Variants in RPS6KC1 observed in about 807,000 individuals in gnomAD.
RPS6KC1 encodes ribosomal protein S6 kinase C1.
RPS6KC1 carries 54 observed loss-of-function variants against 103.8 expected under a neutral mutation model. The ratio of observed to expected loss-of-function variants is 0.52; its 90% CI spans 0.42 to 0.65. The LOEUF is 0.65. RPS6KC1 is among the 30% of genes least tolerant of loss of function. The pLI, the probability that RPS6KC1 is intolerant of heterozygous loss-of-function variation, is 0.00. For missense variants in RPS6KC1, 1,151 were observed against 1,253.8 expected (o/e 0.92, Z 1.24); for synonymous variants, 439 against 438.7 (o/e 1.00, Z -0.01).
chr1:213,280,638 G>A, the RPS6KC1 span, among the ~76,000 whole-genome samples: 1 of 152,212 alleles, frequency 6.6e-6, no homozygotes, highest in Admixed American at 6.5e-5. Context: ...CTTCATAGTA[G>A]TAAAGTGAAA....
the RPS6KC1 span, among the ~76,000 whole-genome samples, chr1:213,737,990 G>A: frequency 6.6e-6 from 1 of 152,292 alleles, no homozygotes; most frequent in East Asian, 1.9e-4. Context: ...AAATAGGGTA[G>A]TGAATATAAT....
At chr1:213,341,248 G>A in the RPS6KC1 span, among the ~76,000 whole-genome samples, 1 of 152,156 alleles carries the variant, frequency 6.6e-6, no homozygotes, top group Non-Finnish European at 1.5e-5. Context: ...ATTAAGAACA[G>A]CTTTTATAAA....
the RPS6KC1 span, among the ~76,000 whole-genome samples, chr1:213,384,090 C>A: frequency 1.3e-5 from 2 of 152,044 alleles, no homozygotes; most frequent in African/African-American, 4.8e-5. Flanking sequence ...TCCTGGCTAA[C>A]ACGGTGAAAC....
chr1:213,077,644 A>G (rs1324374239), intron 2 of RPS6KC1, 52 bp from the exon 3 acceptor site: 2 of 1,159,810 alleles, frequency 1.7e-6, no homozygotes, highest in South Asian at 1.9e-5. Flanking sequence ...TGTTGTTCAG[A>G]TATCTGAACC....
At chr1:213,366,552 G>A in the RPS6KC1 span, among the ~76,000 whole-genome samples, 92 of 152,290 alleles carry the variant, frequency 6.0e-4, no homozygotes, top group African/African-American at 1.9e-3. Flanking sequence ...TTCAACTCTC[G>A]TTGTAGCACA....
the RPS6KC1 span, among the ~76,000 whole-genome samples, chr1:213,776,692 A>C: frequency 6.6e-6 from 1 of 152,218 alleles, no homozygotes; most frequent in African/African-American, 2.4e-5. Flanking sequence ...TTAGCTCCTA[A>C]CAAGAGAATC....
chr1:213,644,665 A>C, the RPS6KC1 span, among the ~76,000 whole-genome samples: 3 of 152,064 alleles, frequency 2.0e-5, no homozygotes, highest in Non-Finnish European at 2.9e-5. Flanking sequence ...AGTAATATGC[A>C]TTGAAGTTTC....
the RPS6KC1 span, among the ~76,000 whole-genome samples, chr1:213,317,923 C>G: frequency 1.4e-3 from 206 of 152,318 alleles, no homozygotes; most frequent in African/African-American, 4.8e-3. Context: ...CACCTGCATC[C>G]CCTGAGCAGG....
the RPS6KC1 span, among the ~76,000 whole-genome samples, chr1:213,629,317 G>T: frequency 4.6e-5 from 7 of 152,006 alleles, no homozygotes; most frequent in East Asian, 9.7e-4. Flanking sequence ...TTGTTGAATT[G>T]ATCCCTTTAC....
At chr1:213,449,144 C>G in the RPS6KC1 span, among the ~76,000 whole-genome samples, 1 of 152,120 alleles carries the variant, frequency 6.6e-6, no homozygotes, top group Non-Finnish European at 1.5e-5. Flanking sequence ...GAAATGGAGG[C>G]CTTTGCCTCT....
chr1:213,166,375 T>C (rs2090966109), intron 6 of RPS6KC1, among the ~76,000 whole-genome samples: 1 of 152,140 alleles, frequency 6.6e-6, no homozygotes, highest in African/African-American at 2.4e-5. Context: ...AAATAGCAAA[T>C]AGATAGCTTT....
chr1:213,104,570 G>A lies in RPS6KC1; in HGVS notation c.378+1G>A. 1.3e-6 allele frequency: 2 copies of A among 1,499,006 alleles called. No individual in the cohort carries two copies. Among genetic ancestry groups the A allele is most frequent in the Non-Finnish European group, 1.8e-6 (2 of 1,087,110 alleles). The allele number at this position is 1,499,006 out of a possible 1,614,324, so 92.9% of individuals were successfully genotyped here. On this transcript the variant is annotated splice_donor_variant, in intron 4 of 14. Transcript: ENST00000366960. LOFTEE classifies it high-confidence loss of function. ...TAAACAGCTTGAAGACTTTTTCAAG[G>A]TTTGGTAGTCTTTCTGGAATATTTT...
chr1:213,770,026 GGGA>G, the RPS6KC1 span, among the ~76,000 whole-genome samples: 1 of 152,136 alleles, frequency 6.6e-6, no homozygotes, highest in Non-Finnish European at 1.5e-5. Context: ...CTACCAAGTG[GGGA>G]GGAGGTCACC....
At chr1:213,111,264 T>C (rs1047528916) in intron 4 of RPS6KC1, among the ~76,000 whole-genome samples, 5 of 152,146 alleles carry the variant, frequency 3.3e-5, no homozygotes, top group Non-Finnish European at 5.9e-5. Flanking sequence ...CTCACTTAAC[T>C]ATACCAGAAG....
the RPS6KC1 span, among the ~76,000 whole-genome samples, chr1:213,446,309 C>T: frequency 6.6e-6 from 1 of 152,188 alleles, no homozygotes; most frequent in Non-Finnish European, 1.5e-5. Context: ...TTTAATTCCT[C>T]CTGGAGTTAT....
the RPS6KC1 span, among the ~76,000 whole-genome samples, chr1:213,331,785 A>G: frequency 0.029 from 4,471 of 152,068 alleles, 225 homozygotes; most frequent in African/African-American, 0.1. Flanking sequence ...GGCCTACGTC[A>G]CCCTGCAATT....
the RPS6KC1 span, among the ~76,000 whole-genome samples, chr1:213,839,307 T>A: frequency 6.6e-6 from 1 of 152,184 alleles, no homozygotes; most frequent in Non-Finnish European, 1.5e-5. Flanking sequence ...GTTTCATAAG[T>A]GCATCTCTCT....
At chr1:213,184,145 A>G (rs555117134) in intron 8 of RPS6KC1, among the ~76,000 whole-genome samples, 16 of 152,294 alleles carry the variant, frequency 1.1e-4, no homozygotes, top group Admixed American at 9.8e-4. Flanking sequence ...AGGCTCAAAT[A>G]GTTTCACCAG....
At chr1:213,417,428 A>G in the RPS6KC1 span, among the ~76,000 whole-genome samples, 1 of 152,200 alleles carries the variant, frequency 6.6e-6, no homozygotes, top group South Asian at 2.1e-4. Context: ...ACAATAACCG[A>G]GATAAACATA....
Sources: allele counts gnomAD v4.1 joint callset (sites outside exome capture counted in the v4.1 genomes callset), GRCh38; gene constraint gnomAD v4.1.1; transcripts MANE v1.5; gene names NCBI Gene and HGNC (gene_info 2026-07-23, HGNC 2026-07-21).